Variants in RAG1 observed in about 807,000 individuals in gnomAD.
The protein encoded by RAG1 is V(D)J recombination-activating protein 1.
RAG1 carries 35 observed loss-of-function variants against 62.7 expected under a neutral mutation model. That is an observed-to-expected ratio of 0.56 (90% CI 0.43 to 0.74). RAG1 has a LOEUF of 0.74. Among genes scored for constraint, RAG1 ranks in the 30% least tolerant of loss-of-function variants. The pLI is 0.00. For missense variants in RAG1, 1,169 were observed against 1,278.6 expected (o/e 0.91, Z 1.31); for synonymous variants, 461 against 470.3 (o/e 0.98, Z 0.26).
At chr11:36,537,283 G>A (rs186977779), downstream of RAG1, among the ~76,000 whole-genome samples, 1 of 152,164 alleles carries the variant, frequency 6.6e-6, no homozygotes, top group East Asian at 1.9e-4. Context: ...TAGGCCTCGT[G>A]TTAAGTGTTC....
At chr11:36,522,580 A>C (rs1860097118) in intron 2 of RAG1, among the ~76,000 whole-genome samples, 1 of 152,210 alleles carries the variant, frequency 6.6e-6, no homozygotes, top group Non-Finnish European at 1.5e-5. Flanking sequence ...CAGAGCCCCC[A>C]CATAGAGTTC....
At chr11:36,558,977 G>T (rs1409309120) in intron 3 of RAG1, among the ~76,000 whole-genome samples, 2 of 152,050 alleles carry the variant, frequency 1.3e-5, no homozygotes, top group Non-Finnish European at 2.9e-5. Context: ...GGTAGTTATT[G>T]CCCTTTGGCT....
At chr11:36,541,432 C>T (rs889159116) in intron 3 of RAG1, among the ~76,000 whole-genome samples, 4 of 152,218 alleles carry the variant, frequency 2.6e-5, no homozygotes, top group African/African-American at 7.2e-5. Flanking sequence ...CACATTAACA[C>T]TGAATTGCAT....
At chr11:36,546,922 T>A (rs1850402375) in intron 3 of RAG1, among the ~76,000 whole-genome samples, 1 of 152,136 alleles carries the variant, frequency 6.6e-6, no homozygotes, top group South Asian at 2.1e-4. Flanking sequence ...TGTGGAGACA[T>A]CCGCTCTTAG....
chr11:36,516,177 G>A lies in RAG1; in HGVS notation n.331-3955G>A, dbSNP rs11825874. Among the ~76,000 whole-genome samples, 347 of 152,352 alleles carry A rather than the reference G, an allele frequency of 2.3e-3. 2 individuals carry two copies. Among genetic ancestry groups the A allele is most frequent in the African/African-American group, 8.1e-3 (335 of 41,596 alleles). On this transcript the variant is annotated intron_variant and non_coding_transcript_variant, in intron 1 of 2. Coordinates refer to the RAG1 transcript ENST00000529126. ...TGAGGGAAAAAATGTACCAGCCAGA[G>A]GATGTAAGTATCTGATCTACTTGTG...
downstream of RAG1, among the ~76,000 whole-genome samples, chr11:36,540,788 T>C (rs1367039611): frequency 7.2e-5 from 11 of 152,192 alleles, no homozygotes; most frequent in Non-Finnish European, 4.4e-5. Context: ...TCTCCGTGTA[T>C]GGTCCGAACT....
At position 36,573,350 on chromosome 11, in the gene RAG1, G is replaced by C. The variant is rs766458077; in HGVS notation, c.46G>C (p.Asp16His). The C allele has an allele frequency of 6.2e-7, 1 of 1,614,058 alleles. No individual in the cohort carries two copies. The highest frequency in any genetic ancestry group is 1.3e-5 in the African/African-American group (1 of 74,924). ...PPTLGLSSAP[D>H]EIQHPHIKFS... ...CACCTTGGGACTCAGTTCTGCCCCAGATGAAATTCAGCACCCACATATTAA... is the reference window on the plus strand; with the variant it reads ...CACCTTGGGACTCAGTTCTGCCCCACATGAAATTCAGCACCCACATATTAA... Residue 16 changes from aspartate (D) to histidine (H), a missense_variant, in exon 2 of 2, where the codon GAT becomes CAT. Transcript: ENST00000299440.
At chr11:36,545,280 A>G (rs1850376186) in intron 3 of RAG1, among the ~76,000 whole-genome samples, 1 of 152,022 alleles carries the variant, frequency 6.6e-6, no homozygotes, top group African/African-American at 2.4e-5. Context: ...TAAAGCTTTA[A>G]CCTCCAATCT....
chr11:36,539,283 G>A (rs964666505), downstream of RAG1, among the ~76,000 whole-genome samples: 2 of 152,170 alleles, frequency 1.3e-5, no homozygotes, highest in Non-Finnish European at 2.9e-5. Context: ...AAAGGGAGAG[G>A]CCTCAAGAGA....
chr11:36,543,720 T>C (rs1427251540), intron 3 of RAG1, among the ~76,000 whole-genome samples: 2 of 152,228 alleles, frequency 1.3e-5, no homozygotes, highest in Admixed American at 1.3e-4. Flanking sequence ...TTATTATTTA[T>C]GGAATACACT....
chr11:36,511,730 C>G (rs1424736122), intron 1 of RAG1, among the ~76,000 whole-genome samples: 1 of 152,166 alleles, frequency 6.6e-6, no homozygotes, highest in Non-Finnish European at 1.5e-5. Context: ...GTATCCCTCC[C>G]TAGAAGCTCC....
At chr11:36,536,781 C>G (rs549783082), downstream of RAG1, among the ~76,000 whole-genome samples, 2 of 151,000 alleles carry the variant, frequency 1.3e-5, no homozygotes, top group African/African-American at 4.9e-5. Context: ...TTTTTTGAGA[C>G]GGAGTCTTGC....
At chr11:36,516,344 C>T (rs908316268) in intron 1 of RAG1, among the ~76,000 whole-genome samples, 1 of 152,226 alleles carries the variant, frequency 6.6e-6, no homozygotes, top group South Asian at 2.1e-4. Context: ...TTTTTTGAGA[C>T]GGAGTCTCGC....
chr11:36,516,120 G>C (rs1169494257), intron 1 of RAG1, among the ~76,000 whole-genome samples: 1 of 152,340 alleles, frequency 6.6e-6, no homozygotes, highest in East Asian at 1.9e-4. Flanking sequence ...GCAATGTTGA[G>C]ATGATAAATT....
At chr11:36,540,770 C>G (rs897859118), downstream of RAG1, among the ~76,000 whole-genome samples, 4 of 152,316 alleles carry the variant, frequency 2.6e-5, no homozygotes, top group East Asian at 7.7e-4. Flanking sequence ...ATACCAAAGA[C>G]TGCCCAGTCT....
In RAG1 at chr11:36,575,570, A is replaced by G; in HGVS notation, c.2266A>G (p.Asn756Asp). The G allele has an allele frequency of 6.2e-7, 1 of 1,614,222 alleles. No homozygotes were observed. Among genetic ancestry groups the G allele is most frequent in the Non-Finnish European group, 8.5e-7 (1 of 1,180,040 alleles). Residue 756 changes from asparagine to aspartate, a missense_variant, in exon 2 of 2, where the codon AAC becomes GAC. Around this residue, in one of 2 missense-constraint regions of RAG1, gnomAD observed 800 missense variants for 943.3 expected, o/e 0.85. Coordinates refer to ENST00000299440, the MANE Select transcript of RAG1 (RefSeq NM_000448.3). The surrounding 1 kb of genome is among the most constrained non-coding windows in gnomAD (Gnocchi z 4.1). Reference protein sequence around the residue: ...FHSITRSHAENLERYEVWRSN... With the variant: ...FHSITRSHAEDLERYEVWRSN... ...CTCTATAACCAGAAGCCATGCTGAG[A>G]ACCTGGAACGTTATGAGGTCTGGCG... is the stretch of plus-strand genomic sequence containing the variant.
chr11:36,540,752 C>T (rs546632087), downstream of RAG1, among the ~76,000 whole-genome samples: 2 of 152,296 alleles, frequency 1.3e-5, no homozygotes, highest in African/African-American at 2.4e-5. Flanking sequence ...TCTCTTTGTT[C>T]TTTGGACATA....
At chr11:36,516,192 A>T (rs1859992916) in intron 1 of RAG1, among the ~76,000 whole-genome samples, 1 of 152,192 alleles carries the variant, frequency 6.6e-6, no homozygotes, top group Non-Finnish European at 1.5e-5. Context: ...TAAGTATCTG[A>T]TCTACTTGTG....
At chr11:36,558,478 G>T (rs963657652) in intron 3 of RAG1, among the ~76,000 whole-genome samples, 1 of 152,084 alleles carries the variant, frequency 6.6e-6, no homozygotes, top group African/African-American at 2.4e-5. Flanking sequence ...ATTCACAATC[G>T]TTGTATCCTC....
Sources: allele counts gnomAD v4.1 joint callset (sites outside exome capture counted in the v4.1 genomes callset), GRCh38; gene constraint gnomAD v4.1.1; regional missense constraint gnomAD v4.1.1; non-coding constraint Gnocchi (gnomAD v3.1); transcripts MANE v1.5; gene names NCBI Gene and HGNC (gene_info 2026-07-23, HGNC 2026-07-21).